EXT1: variants seen among roughly 807,000 people sequenced by gnomAD.
EXT1 encodes exostosin glycosyltransferase 1.
Under a neutral mutation model 82.5 loss-of-function variants are expected in EXT1, and 20 were observed. That is an observed-to-expected ratio of 0.24 (90% CI 0.17 to 0.35). The LOEUF is 0.35. Among genes scored for constraint, EXT1 ranks in the 10% least tolerant of loss-of-function variants. EXT1 has a pLI of 1.00. For synonymous variants in EXT1, 348 were observed against 350.8 expected (o/e 0.99, Z 0.09); for missense variants, 757 against 936.5 (o/e 0.81, Z 2.50).
rs1208144072 is a variant in EXT1 at position 118,110,695 on chromosome 8, C to T, written c.352G>A (p.Val118Ile). The T allele has an allele frequency of 6.2e-6, 10 of 1,614,104 alleles. No homozygotes were observed. Among genetic ancestry groups the T allele is most frequent in the Non-Finnish European group, 8.5e-6 (10 of 1,180,030 alleles). ...TTCTCCCCTTTTTGCTGTGGGTATACGTAGACTTTGAAGCCGTTTTTCTTG... is the reference window on the plus strand; with the variant it reads ...TTCTCCCCTTTTTGCTGTGGGTATATGTAGACTTTGAAGCCGTTTTTCTTG... The part of the protein sequence containing the change: ...LCKKNGFKVY[V>I]YPQQKGEKIA... The change falls in exon 1 of 11, where the codon GTA becomes ATA. Residue 118 changes from valine (V) to isoleucine (I), a missense_variant. Physicochemically the swap from Val to Ile is conservative, Grantham distance 29. This residue lies in a region of EXT1 where 175 missense variants were observed against 159.0 expected (regional missense o/e 1.10). Coordinates refer to ENST00000378204, the MANE Select transcript of EXT1 (RefSeq NM_000127.3).
At chr8:117,803,667 G>C (rs1049659440) in intron 10 of EXT1, among the ~76,000 whole-genome samples, 2 of 152,082 alleles carry the variant, frequency 1.3e-5, no homozygotes, top group Non-Finnish European at 2.9e-5. Flanking sequence ...CTAACTTACT[G>C]GGCAACTTGT....
intron 1 of EXT1, among the ~76,000 whole-genome samples, chr8:117,943,492 T>C (rs1814327201): frequency 6.6e-6 from 1 of 152,214 alleles, no homozygotes; most frequent in Non-Finnish European, 1.5e-5. Flanking sequence ...TTTATACAAG[T>C]ATATTCAGTA....
chr8:117,948,530 A>T lies in EXT1; in HGVS notation c.963-111329T>A, dbSNP rs140663965. On this transcript the variant is annotated intron_variant, in intron 1 of 10. Coordinates refer to ENST00000378204, the MANE Select transcript of EXT1 (RefSeq NM_000127.3). ...AACTCATAACCATACAACTTTACAC[A>T]TAGTACCAGGGTTCCATGAACCTAG... 2.0e-3 allele frequency among the ~76,000 whole-genome samples: 306 copies of T among 152,304 alleles called. 4 individuals carry two copies. Among genetic ancestry groups the T allele is most frequent in the Non-Finnish European group, 3.2e-3 (216 of 68,032 alleles).
chr8:117,921,975 CTTTTTTTT>C (rs11327798), intron 1 of EXT1, among the ~76,000 whole-genome samples: 9 of 148,330 alleles, frequency 6.1e-5, no homozygotes, highest in Admixed American at 4.7e-4. Flanking sequence ...GATTTGTTTT[CTTTTTTTT>C]TTTTTAACTC....
At chr8:118,039,884 G>C (rs773903492) in intron 1 of EXT1, among the ~76,000 whole-genome samples, 7 of 152,310 alleles carry the variant, frequency 4.6e-5, no homozygotes, top group Non-Finnish European at 7.3e-5. Context: ...TAGAAAGGCA[G>C]AGAATAGCAC....
intron 1 of EXT1, among the ~76,000 whole-genome samples, chr8:118,053,291 T>C (rs1223747469): frequency 1.3e-5 from 2 of 152,242 alleles, no homozygotes; most frequent in African/African-American, 2.4e-5. Context: ...AAGAGGGAGA[T>C]GACCCTTCGG....
At chr8:117,841,321 G>A (rs916513623) in intron 1 of EXT1, among the ~76,000 whole-genome samples, 48 of 152,274 alleles carry the variant, frequency 3.2e-4, no homozygotes, top group Admixed American at 2.9e-3. Context: ...TGTACATACT[G>A]TTGAATCCTT....
At chr8:118,076,841 A>C (rs1870100) in intron 1 of EXT1, among the ~76,000 whole-genome samples, 25,072 of 152,222 alleles carry the variant, frequency 0.16, 3,789 homozygotes, top group African/African-American at 0.4. Flanking sequence ...TTGATTTCAT[A>C]TAGATAGAAA....
chr8:117,980,700 T>TTTTTTTTG (rs1563619781), intron 1 of EXT1, among the ~76,000 whole-genome samples: 11 of 11,152 alleles, frequency 9.9e-4, no homozygotes, highest in South Asian at 3.4e-3. Flanking sequence ...TGTTGGTGGT[T>TTTTTTTTG]TTTTTTTTTT....
chr8:117,869,092 G>A (rs4242576), intron 1 of EXT1, among the ~76,000 whole-genome samples: 130,854 of 152,106 alleles, frequency 0.86, 56,544 homozygotes, highest in African/African-American at 0.92. Context: ...TCCCGCCAGC[G>A]CCCACAGGCC....
intron 1 of EXT1, among the ~76,000 whole-genome samples, chr8:117,917,267 A>G (rs1813770167): frequency 6.6e-6 from 1 of 152,116 alleles, no homozygotes; most frequent in East Asian, 1.9e-4. Flanking sequence ...TGAGGTCAGA[A>G]GTTAGAGACT....
intron 1 of EXT1, among the ~76,000 whole-genome samples, chr8:117,854,765 C>T (rs1439234307): frequency 6.6e-6 from 1 of 152,178 alleles, no homozygotes; most frequent in Non-Finnish European, 1.5e-5. Context: ...TTCACAGCTG[C>T]ACACCAAGGC....
intron 1 of EXT1, among the ~76,000 whole-genome samples, chr8:117,928,598 G>A (rs1028041081): frequency 6.6e-6 from 1 of 152,068 alleles, no homozygotes; most frequent in Non-Finnish European, 1.5e-5. Context: ...GATAATCACA[G>A]CAATAACATT....
intron 1 of EXT1, among the ~76,000 whole-genome samples, chr8:117,930,028 C>T (rs754088616): frequency 5.9e-5 from 9 of 151,982 alleles, no homozygotes; most frequent in Middle Eastern, 3.2e-3. Context: ...TTGCTTGAAC[C>T]TGGGAGGCGG....
intron 1 of EXT1, among the ~76,000 whole-genome samples, chr8:117,885,494 C>CAAAAAAAAAAAAAAAAAAAAA (rs11300586): frequency 2.9e-5 from 3 of 103,388 alleles, no homozygotes; most frequent in Middle Eastern, 5.4e-3. Context: ...AAGTAACAGA[C>CAAAAAAAAAAAAAAAAAAAAA]AAAAAAAAAA....
chr8:117,828,333 C>T (rs1207014245), intron 4 of EXT1, among the ~76,000 whole-genome samples: 1 of 152,056 alleles, frequency 6.6e-6, no homozygotes, highest in Non-Finnish European at 1.5e-5. Flanking sequence ...GGAGGACTGC[C>T]TGAGCCAGGA....
At chr8:118,062,786 A>G (rs1816903304) in intron 1 of EXT1, among the ~76,000 whole-genome samples, 1 of 152,186 alleles carries the variant, frequency 6.6e-6, no homozygotes, top group Non-Finnish European at 1.5e-5. Flanking sequence ...GAGTTGTTCT[A>G]TATGTGGACT....
chr8:117,839,223 G>C (rs965224269), intron 1 of EXT1, among the ~76,000 whole-genome samples: 2 of 152,156 alleles, frequency 1.3e-5, no homozygotes, highest in Non-Finnish European at 2.9e-5. Context: ...GAAACCACTA[G>C]GTAGCTGTGA....
chr8:117,960,810 T>C (rs1023926637), intron 1 of EXT1, among the ~76,000 whole-genome samples: 14 of 152,170 alleles, frequency 9.2e-5, no homozygotes, highest in Non-Finnish European at 2.9e-5. Flanking sequence ...TTCCTACTTA[T>C]GAGAAGCCTG....
Sources: gnomAD v4.1 joint callset for allele counts (sites outside exome capture counted in the v4.1 genomes callset) on GRCh38, gnomAD v4.1.1 for gene constraint, gnomAD v4.1.1 regional missense constraint, MANE v1.5 for transcripts, NCBI Gene and HGNC (gene_info 2026-07-23, HGNC 2026-07-21) for gene names.